Variants in MAPKAPK5 observed in about 807,000 individuals in gnomAD.
MAPKAPK5 encodes the protein MAP kinase-activated protein kinase 5.
A neutral mutation model predicts 65.1 loss-of-function variants in MAPKAPK5; 30 were observed. That is an observed-to-expected ratio of 0.46 (90% CI 0.34 to 0.63). The LOEUF (loss-of-function observed/expected upper bound fraction) is 0.63, where lower values mean the gene tolerates loss of function less well. MAPKAPK5 is among the 20% of genes least tolerant of loss of function. The pLI is 0.01. For missense variants in MAPKAPK5, 433 were observed against 581.4 expected, an observed-to-expected ratio of 0.74 and a Z score of 2.63; for synonymous variants, 179 against 204.6, an observed-to-expected ratio of 0.87 and a Z score of 1.07.
At chr12:111,880,361 T>A in intron 7 of MAPKAPK5, 86 bp from the exon 8 acceptor site, 2 of 1,077,840 alleles carry the variant, frequency 1.9e-6, no homozygotes, top group Non-Finnish European at 2.9e-6. Context: ...GTTTACCTCC[T>A]TCAGTCTCAT....
Position 111,857,189 on chromosome 12 carries a change from G to A in MAPKAPK5, c.37-8061G>A, listed in dbSNP as rs78684467. ...AAGAGAAGAAAATAATTTTTTCCAT[G>A]TTTACCTGTTCTAGTACTTTCTGTT... is the stretch of plus-strand genomic sequence containing the variant. On this transcript the variant is annotated intron_variant, in intron 1 of 13. Transcript: ENST00000550735. Among the ~76,000 whole-genome samples the A allele has an allele frequency of 3.5e-3, 517 of 149,748 alleles. 1 individual carries two copies. Among genetic ancestry groups the A allele is most frequent in the African/African-American group, 0.012 (496 of 41,024 alleles).
intron 1 of MAPKAPK5, among the ~76,000 whole-genome samples, chr12:111,853,891 A>G (rs2069160147): frequency 6.6e-6 from 1 of 152,130 alleles, no homozygotes; most frequent in African/African-American, 2.4e-5. Context: ...TTTTCCCTTC[A>G]TCTATTGAGT....
intron 11 of MAPKAPK5, 88 bp from the exon 12 acceptor site, chr12:111,888,797 C>G: frequency 6.5e-7 from 1 of 1,540,126 alleles, no homozygotes; most frequent in East Asian, 2.3e-5. Context: ...TCTGATACAT[C>G]TGTTGCCTTA....
At chr12:111,869,319 C>T (rs1312683935) in intron 5 of MAPKAPK5, among the ~76,000 whole-genome samples, 1 of 152,180 alleles carries the variant, frequency 6.6e-6, no homozygotes, top group Admixed American at 6.6e-5. Flanking sequence ...TAATAATATC[C>T]TAAGATCTTT....
rs776078907 is a variant in MAPKAPK5, at chr12:111,870,281, C to T, written c.404C>T (p.Ala135Val). The stretch of plus-strand genomic sequence containing the variant: ...TGTGTCTTTTTTCAGATAGCTTTGG[C>T]TCTGCGGCACTGTCACTTGTTAAAC... Reference protein sequence around the residue: ...ASQVTKQIALALRHCHLLNIA... With the variant: ...ASQVTKQIALVLRHCHLLNIA... Residue 135 changes from alanine to valine, a missense_variant, in exon 6 of 14, where the codon GCT becomes GTT. By Grantham distance (64) the Ala-to-Val change is moderately conservative (BLOSUM62 0). Around this residue, in one of 3 missense-constraint regions of MAPKAPK5, gnomAD observed 165 missense variants for 180.0 expected, o/e 0.92. Transcript: ENST00000550735. The T allele has an allele frequency of 3.7e-6, 6 of 1,601,542 alleles. 1 individual carries two copies. In the South Asian group the frequency reaches 5.5e-5, roughly 15 times the overall value.
At position 111,871,193 on chromosome 12, in the gene MAPKAPK5, G is replaced by T. The variant is rs367933287; in HGVS notation, c.579+13G>T. The T allele has an allele frequency of 6.2e-7, 1 of 1,608,042 alleles. No homozygotes were observed. Among genetic ancestry groups the T allele is most frequent in the Non-Finnish European group, 8.5e-7 (1 of 1,175,602 alleles). On this transcript the variant is annotated intron_variant, in intron 7 of 13. Transcript: ENST00000550735. ...TGTAGCACCCCAGGTAAGCATGTGC[G>T]GTTTCTGTCCTAAGATCTGTCACCA...
chr12:111,894,696 A>G lies in MAPKAPK5; in HGVS notation c.*1635A>G, dbSNP rs2070733597. The G allele has an allele frequency of 6.6e-6, 1 of 151,988 alleles. No individual in the cohort carries two copies. The highest frequency in any genetic ancestry group is 6.6e-5 in the Admixed American group (1 of 15,232). The allele number at this position is 151,988 out of a possible 1,614,324, so 9.4% of individuals were successfully genotyped here. On this transcript the variant is annotated 3_prime_UTR_variant, in exon 14 of 14. Coordinates refer to ENST00000550735, the MANE Select transcript of MAPKAPK5 (RefSeq NM_003668.4). ...CCGAGAGCAGCTGTTTGAAGGAAAA[A>G]TAAGGCTAGGTCCTTTTTTAGTTTT...
intron 1 of MAPKAPK5, among the ~76,000 whole-genome samples, chr12:111,847,734 A>G (rs2068950195): frequency 6.6e-6 from 1 of 152,208 alleles, no homozygotes; most frequent in South Asian, 2.1e-4. Context: ...ACTCTGGTGT[A>G]TAATATTTCC....
intron 7 of MAPKAPK5, among the ~76,000 whole-genome samples, chr12:111,874,477 T>G (rs1374905032): frequency 1.3e-5 from 2 of 150,078 alleles, no homozygotes; most frequent in African/African-American, 2.4e-5. Flanking sequence ...TGGGTTTTTT[T>G]TTTTTTTTTT....
At position 111,847,611 on chromosome 12, in the gene MAPKAPK5, G is replaced by A. The variant is rs1226108162; in HGVS notation, c.36+4842G>A. Among the ~76,000 whole-genome samples the A allele has an allele frequency of 2.7e-5, 4 of 148,944 alleles. No homozygotes were observed. The South Asian group carries it at 9.3e-4, about 35-fold the overall frequency. ...TTAGTTTTTAAAATTAAAAAAAATT[G>A]TATAGTTTGTACATCATAAAAATAC... On this transcript the variant is annotated intron_variant, in intron 1 of 13. Transcript: ENST00000550735.
chr12:111,880,302 G>C, intron 7 of MAPKAPK5, 145 bp from the exon 8 acceptor site: 1 of 659,714 alleles, frequency 1.5e-6, no homozygotes, highest in Non-Finnish European at 2.7e-6. Context: ...AACGTTTTTG[G>C]AAGTGTAGTG....
In MAPKAPK5 at chr12:111,893,612, A is replaced by G. The variant is rs957316238; in HGVS notation, c.*551A>G. 3 of 152,240 alleles carry G rather than the reference A, an allele frequency of 2.0e-5. No individual in the cohort carries two copies. The highest frequency in any genetic ancestry group is 7.2e-5 in the African/African-American group (3 of 41,448). 9.4% of individuals were successfully genotyped at this position (152,240 alleles called of 1,614,324 possible). ...TGAGCCCTCATTTCTCCTGCCCCCTAATTCCCAAGAGAAAAGCAGGAACAT... is the reference window on the plus strand; with the variant it reads ...TGAGCCCTCATTTCTCCTGCCCCCTGATTCCCAAGAGAAAAGCAGGAACAT... On this transcript the variant is annotated 3_prime_UTR_variant, in exon 14 of 14. Transcript: ENST00000550735.
intron 8 of MAPKAPK5, among the ~76,000 whole-genome samples, chr12:111,882,236 C>T (rs1195693054): frequency 2.6e-5 from 4 of 152,128 alleles, no homozygotes; most frequent in Admixed American, 1.3e-4. Context: ...AAAAATTAGC[C>T]GGGTGTGGTG....
chr12:111,874,941 A>AT (rs928091168), intron 7 of MAPKAPK5, among the ~76,000 whole-genome samples: 4 of 150,888 alleles, frequency 2.7e-5, no homozygotes, highest in South Asian at 2.1e-4. Flanking sequence ...CGCCCGGCTA[A>AT]TTTTTTTTCA....
intron 1 of MAPKAPK5, among the ~76,000 whole-genome samples, chr12:111,848,266 T>C (rs867261570): frequency 6.6e-6 from 1 of 152,214 alleles, no homozygotes; most frequent in Non-Finnish European, 1.5e-5. Flanking sequence ...AGTCTTCCTA[T>C]TTTAGTCCTT....
In MAPKAPK5 at chr12:111,900,595, A is replaced by G. The variant is rs773294328; in HGVS notation, c.*7534A>G. The G allele has an allele frequency of 4.8e-5, 22 of 456,008 alleles. No individual in the cohort carries two copies. Among genetic ancestry groups the G allele is most frequent in the Non-Finnish European group, 8.8e-5 (20 of 226,814 alleles). 28.2% of individuals were successfully genotyped at this position (456,008 alleles called of 1,614,324 possible). On this transcript the variant is annotated 3_prime_UTR_variant, in exon 14 of 14. Transcript: ENST00000550735. Reference sequence around the variant, plus strand: ...GCCTGTGGAAATGGTGTGGTGGAGGACACGGAGCAGTGTGACTGTGGTTCT... The same window carrying G: ...GCCTGTGGAAATGGTGTGGTGGAGGGCACGGAGCAGTGTGACTGTGGTTCT...
At chr12:111,852,062 A>G (rs760984710) in intron 1 of MAPKAPK5, among the ~76,000 whole-genome samples, 3 of 152,198 alleles carry the variant, frequency 2.0e-5, no homozygotes, top group Non-Finnish European at 2.9e-5. Flanking sequence ...ACATTAGACA[A>G]TTTGCCAGAA....
At chr12:111,861,369 C>G (rs1277747679) in intron 1 of MAPKAPK5, among the ~76,000 whole-genome samples, 2 of 151,232 alleles carry the variant, frequency 1.3e-5, no homozygotes, top group Non-Finnish European at 2.9e-5. Flanking sequence ...CTCACTCTGT[C>G]ACAGGCTGGA....
intron 1 of MAPKAPK5, among the ~76,000 whole-genome samples, chr12:111,863,857 G>A (rs372826163): frequency 4.6e-5 from 7 of 151,846 alleles, no homozygotes; most frequent in African/African-American, 1.7e-4. Context: ...CTCCCACCTC[G>A]GCCTCCCAAA....
Sources: allele counts gnomAD v4.1 joint callset (sites outside exome capture counted in the v4.1 genomes callset), GRCh38; gene constraint gnomAD v4.1.1; regional missense constraint gnomAD v4.1.1; transcripts MANE v1.5; gene names NCBI Gene and HGNC (gene_info 2026-07-23, HGNC 2026-07-21).